ERC1: variants seen among roughly 807,000 people sequenced by gnomAD.
The protein encoded by ERC1 is RAB6 interacting protein 2.
Under a neutral mutation model 132.0 loss-of-function variants are expected in ERC1, and 56 were observed. The observed-to-expected ratio is 0.42, with a 90% confidence interval of 0.34 to 0.53. The LOEUF (loss-of-function observed/expected upper bound fraction) is 0.53. ERC1 is among the 20% of genes least tolerant of loss of function. The pLI, the probability that ERC1 is intolerant of heterozygous loss-of-function variation, is 0.03. For missense variants in ERC1, 1,202 were observed against 1,349.9 expected (o/e 0.89, Z 1.72); for synonymous variants, 478 against 476.1 (o/e 1.00, Z -0.05).
intron 18 of ERC1, chr12:1,480,813 T>C: frequency 1.4e-6 from 1 of 702,452 alleles, no homozygotes; most frequent in Non-Finnish European, 2.6e-6. Context: ...TTTCAGACAC[T>C]AAAATACATC....
chr12:998,945 C>T (rs1246959450), intron 1 of ERC1, among the ~76,000 whole-genome samples: 1 of 151,410 alleles, frequency 6.6e-6, no homozygotes, highest in Admixed American at 6.6e-5. Flanking sequence ...CTGCAACCTC[C>T]GCCTCCTGGG....
chr12:1,247,562 G>A (rs1365845270), intron 13 of ERC1, among the ~76,000 whole-genome samples: 1 of 152,176 alleles, frequency 6.6e-6, no homozygotes, highest in East Asian at 1.9e-4. Context: ...TTTGAAATAA[G>A]TATGCTTTGG....
intron 15 of ERC1, among the ~76,000 whole-genome samples, chr12:1,291,786 G>A (rs755684522): frequency 3.9e-5 from 6 of 152,192 alleles, no homozygotes; most frequent in Non-Finnish European, 5.9e-5. Context: ...AATGGTGACC[G>A]TAAGTTTGGG....
At chr12:1,036,893 C>T (rs1028659352) in intron 2 of ERC1, among the ~76,000 whole-genome samples, 2 of 152,164 alleles carry the variant, frequency 1.3e-5, no homozygotes, top group African/African-American at 4.8e-5. Context: ...AGGCACTATG[C>T]AGAGTGCCAT....
chr12:1,447,275 T>C (rs1465243133), intron 18 of ERC1, among the ~76,000 whole-genome samples: 1 of 151,418 alleles, frequency 6.6e-6, no homozygotes, highest in African/African-American at 2.4e-5. Flanking sequence ...CCCGGCATTT[T>C]GGGAGGCTGA....
chr12:1,146,307 G>GTTTTTTTTTTTTTT (rs1346178811), intron 8 of ERC1, among the ~76,000 whole-genome samples: 5 of 59,394 alleles, frequency 8.4e-5, no homozygotes, highest in Admixed American at 1.7e-4. Context: ...GTATTTTACT[G>GTTTTTTTTTTTTTT]GTTTTTTTTT....
chr12:1,255,625 T>TG (rs1369334784), intron 13 of ERC1, among the ~76,000 whole-genome samples: 3,739 of 113,674 alleles, frequency 0.033, 162 homozygotes, highest in South Asian at 0.066. Flanking sequence ...CCTGGCCTTT[T>TG]TTTTTTTTTT....
chr12:1,045,534 A>G (rs1970953842), intron 2 of ERC1, among the ~76,000 whole-genome samples: 1 of 152,126 alleles, frequency 6.6e-6, no homozygotes, highest in Non-Finnish European at 1.5e-5. Context: ...GCTTTCATAT[A>G]CATTGCTTCT....
intron 17 of ERC1, among the ~76,000 whole-genome samples, chr12:1,421,678 C>A (rs1056868540): frequency 1.3e-5 from 2 of 151,968 alleles, no homozygotes; most frequent in Non-Finnish European, 2.9e-5. Context: ...AATTTTGTAA[C>A]CTCCAGCTAC....
chr12:1,350,009 C>T lies in ERC1; in HGVS notation c.2781-21824C>T, dbSNP rs554312362. Among the ~76,000 whole-genome samples the T allele has an allele frequency of 2.0e-4, 30 of 152,312 alleles. No individual in the cohort carries two copies. In the East Asian group the frequency reaches 5.6e-3, roughly 28 times the overall value. ...TTATTGAGGAGGGAAACCAGGTTCA[C>T]AGTGTTGTGCTTTCTTCTTTTGGCA... is the stretch of plus-strand genomic sequence containing the variant. On this transcript the variant is annotated intron_variant, in intron 15 of 18. Coordinates refer to ENST00000360905, the MANE Select transcript of ERC1 (RefSeq NM_178040.4).
chr12:1,420,919 TGGGGGG>T (rs57475289), intron 17 of ERC1, among the ~76,000 whole-genome samples: 2 of 99,828 alleles, frequency 2.0e-5, no homozygotes, highest in South Asian at 4.2e-4. Flanking sequence ...GGTTTTGGTT[TGGGGGG>T]GGGGGGGGTT....
chr12:1,217,652 T>TA (rs1337890013), intron 12 of ERC1, among the ~76,000 whole-genome samples: 1 of 152,208 alleles, frequency 6.6e-6, no homozygotes, highest in Non-Finnish European at 1.5e-5. Context: ...CCAGTTCACT[T>TA]ACTCTCGTCT....
intron 13 of ERC1, among the ~76,000 whole-genome samples, chr12:1,241,454 A>G (rs2075785797): frequency 6.6e-6 from 1 of 152,100 alleles, no homozygotes; most frequent in Non-Finnish European, 1.5e-5. Flanking sequence ...GAAATTTATT[A>G]GATTTTGTTG....
At chr12:1,146,695 G>A (rs112601112) in intron 8 of ERC1, among the ~76,000 whole-genome samples, 6,524 of 150,476 alleles carry the variant, frequency 0.043, 478 homozygotes, top group African/African-American at 0.15. Context: ...ACATACGTAT[G>A]CATGTGCCAT....
chr12:1,046,787 C>G (rs1047552098), intron 2 of ERC1, among the ~76,000 whole-genome samples: 7 of 152,116 alleles, frequency 4.6e-5, no homozygotes, highest in African/African-American at 1.7e-4. Context: ...GAGTAAGTTG[C>G]CCAAGGTCAC....
At chr12:1,132,855 G>GT (rs143199706) in intron 7 of ERC1, among the ~76,000 whole-genome samples, 9,036 of 145,116 alleles carry the variant, frequency 0.062, 442 homozygotes, top group Admixed American at 0.14. Context: ...AATAATGTGG[G>GT]TTTTTTTTTT....
chr12:1,203,338 G>A (rs557809115), intron 12 of ERC1, among the ~76,000 whole-genome samples: 5 of 152,270 alleles, frequency 3.3e-5, no homozygotes, highest in South Asian at 4.1e-4. Flanking sequence ...GATTACAGGC[G>A]TGAGCCACTG....
intron 2 of ERC1, among the ~76,000 whole-genome samples, chr12:1,064,968 C>T (rs1375516998): frequency 2.0e-5 from 3 of 151,980 alleles, no homozygotes; most frequent in Non-Finnish European, 4.4e-5. Context: ...CTTTTTTATC[C>T]TCTCTTCTTT....
intron 18 of ERC1, among the ~76,000 whole-genome samples, chr12:1,467,885 A>G (rs992244582): frequency 3.0e-4 from 45 of 152,194 alleles, no homozygotes; most frequent in African/African-American, 8.2e-4. Flanking sequence ...TTGCGCTCAT[A>G]TGAGAATCTA....
Sources: allele counts gnomAD v4.1 joint callset (sites outside exome capture counted in the v4.1 genomes callset), GRCh38; gene constraint gnomAD v4.1.1; transcripts MANE v1.5; gene names NCBI Gene and HGNC (gene_info 2026-07-23, HGNC 2026-07-21).